The following CRACDL variants were observed in gnomAD, a reference collection of about 807,000 sequenced individuals.
The protein encoded by CRACDL is CRACD-like protein.
A neutral mutation model predicts 70.6 loss-of-function variants in CRACDL; 26 were observed. The ratio of observed to expected loss-of-function variants is 0.37; its 90% CI spans 0.27 to 0.51. The LOEUF (loss-of-function observed/expected upper bound fraction) is 0.51, where lower values mean the gene tolerates loss of function less well. CRACDL is among the 20% of genes least tolerant of loss of function. The pLI, the probability that CRACDL is intolerant of heterozygous loss-of-function variation, is 0.94. For missense variants in CRACDL, 1,283 were observed against 1,376.9 expected (o/e 0.93, Z 1.08); for synonymous variants, 618 against 615.2 (o/e 1.00, Z -0.07).
chr2:98,798,525 C>CTTCCATAT (rs1235635915), intron 7 of CRACDL, among the ~76,000 whole-genome samples: 2 of 148,860 alleles, frequency 1.3e-5, no homozygotes, highest in African/African-American at 4.9e-5. Flanking sequence ...GTGGAATCTC[C>CTTCCATAT]TTCCATATTT....
intron 1 of CRACDL, among the ~76,000 whole-genome samples, chr2:98,900,351 G>C (rs569174001): frequency 1.5e-5 from 2 of 137,806 alleles, no homozygotes; most frequent in East Asian, 4.8e-4. Flanking sequence ...AGGGGAGGCA[G>C]AGGATGGAGG....
chr2:98,912,264 G>A (rs574341574), intron 1 of CRACDL, among the ~76,000 whole-genome samples: 3 of 152,370 alleles, frequency 2.0e-5, no homozygotes, highest in African/African-American at 7.2e-5. Flanking sequence ...CGCAAAGAGT[G>A]AAAGAACACC....
chr2:98,825,392 T>C (rs927429213), intron 6 of CRACDL, among the ~76,000 whole-genome samples: 1 of 152,212 alleles, frequency 6.6e-6, no homozygotes, highest in African/African-American at 2.4e-5. Context: ...CAAAGTGGGA[T>C]TCAAGAACTA....
chr2:98,838,957 C>G (rs1415670305), intron 2 of CRACDL, among the ~76,000 whole-genome samples: 1 of 152,156 alleles, frequency 6.6e-6, no homozygotes, highest in Non-Finnish European at 1.5e-5. Flanking sequence ...TCATTCTCTC[C>G]CATGAATTCT....
intron 7 of CRACDL, among the ~76,000 whole-genome samples, chr2:98,816,311 A>T (rs1017181594): frequency 2.0e-5 from 3 of 152,122 alleles, no homozygotes; most frequent in Non-Finnish European, 4.4e-5. Flanking sequence ...TGTTTATTCC[A>T]TCTTGGTCAG....
chr2:98,896,730 C>T (rs963307699), intron 1 of CRACDL, among the ~76,000 whole-genome samples: 1 of 152,186 alleles, frequency 6.6e-6, no homozygotes, highest in African/African-American at 2.4e-5. Context: ...GCTTGTCCAA[C>T]CTATCTTACT....
chr2:98,847,500 C>A (rs553618517), intron 1 of CRACDL, among the ~76,000 whole-genome samples: 3 of 152,266 alleles, frequency 2.0e-5, no homozygotes, highest in African/African-American at 7.2e-5. Flanking sequence ...CCCCACACCC[C>A]ATCCCACTCC....
chr2:98,868,992 TG>T, intron 1 of CRACDL: 3 of 764,476 alleles, frequency 3.9e-6, no homozygotes, highest in Non-Finnish European at 6.0e-6. Flanking sequence ...CAGGGGATGG[TG>T]GCCACCCACG....
chr2:98,799,104 G>C (rs770877725), intron 7 of CRACDL, among the ~76,000 whole-genome samples: 35 of 152,072 alleles, frequency 2.3e-4, no homozygotes, highest in Non-Finnish European at 4.9e-4. Context: ...CCAACCACCT[G>C]GCACCTCTCC....
At chr2:98,880,447 C>T (rs897336883) in intron 1 of CRACDL, among the ~76,000 whole-genome samples, 5 of 152,176 alleles carry the variant, frequency 3.3e-5, no homozygotes, top group African/African-American at 9.7e-5. Context: ...CCAGGCAACT[C>T]GGAGTTGTGA....
intron 1 of CRACDL, among the ~76,000 whole-genome samples, chr2:98,906,978 C>T (rs1489034429): frequency 6.6e-6 from 1 of 152,112 alleles, no homozygotes; most frequent in African/African-American, 2.4e-5. Flanking sequence ...AGTAAGGTCT[C>T]CTCACTCTAG....
chr2:98,799,493 C>T (rs1703983891), intron 7 of CRACDL, among the ~76,000 whole-genome samples: 1 of 152,168 alleles, frequency 6.6e-6, no homozygotes, highest in South Asian at 2.1e-4. Context: ...CTCCACCTGA[C>T]TGGCCCCCTG....
intron 1 of CRACDL, chr2:98,869,318 T>A (rs1380941901): frequency 6.7e-6 from 8 of 1,199,328 alleles, no homozygotes; most frequent in Non-Finnish European, 8.5e-6. Context: ...CCAGCCCTCC[T>A]GTGCCCCGTG....
Position 98,832,888 on chromosome 2 carries a change from C to T in CRACDL, c.349G>A (p.Val117Met), listed in dbSNP as rs753505052. 3 of 1,614,090 alleles carry T rather than the reference C, an allele frequency of 1.9e-6. No individual in the cohort carries two copies. Among genetic ancestry groups the T allele is most frequent in the Non-Finnish European group, 2.5e-6 (3 of 1,180,040 alleles). Residue 117 changes from valine (V) to methionine (M), a missense_variant, in exon 4 of 10, where the codon GTG becomes ATG. Val to Met is a conservative substitution (Grantham distance 21). This residue lies in a region of CRACDL where 362 missense variants were observed against 495.0 expected (regional missense o/e 0.73). Transcript: ENST00000397899. ...TGCAGAGCTTTAATCCGATCACACA[C>T]ATTTTCTTGGGAAAACACCCGCACA... ...RPVRVFSQENVCDRIKALQLK... is the reference protein window; with the variant it reads ...RPVRVFSQENMCDRIKALQLK...
At chr2:98,807,070 C>A (rs922448045) in intron 7 of CRACDL, among the ~76,000 whole-genome samples, 1 of 152,156 alleles carries the variant, frequency 6.6e-6, no homozygotes, top group African/African-American at 2.4e-5. Context: ...TTCATAATGA[C>A]CCTCACAGCC....
In CRACDL at chr2:98,832,969, C is replaced by T; in HGVS notation, c.268G>A (p.Ala90Thr). ...EESRGTLGSRALSHDSIFIPE... is the reference protein window; with the variant it reads ...EESRGTLGSRTLSHDSIFIPE... ...ATGAAAATACTGTCGTGAGAAAGGG[C>T]CCGGCTGCCCAGCGTGCCCCTCGAC... The change falls in exon 4 of 10, where the codon GCC (alanine) becomes ACC (threonine). Residue 90 changes from alanine to threonine, a missense_variant. Ala to Thr is a moderately conservative substitution (Grantham distance 58, BLOSUM62 0). This residue lies in a region of CRACDL where 362 missense variants were observed against 495.0 expected (regional missense o/e 0.73). Transcript: ENST00000397899. The T allele has an allele frequency of 6.2e-7, 1 of 1,613,852 alleles. No individual in the cohort carries two copies. Among genetic ancestry groups the T allele is most frequent in the Non-Finnish European group, 8.5e-7 (1 of 1,179,846 alleles).
chr2:98,901,401 G>T (rs1208447447), intron 1 of CRACDL, among the ~76,000 whole-genome samples: 1 of 152,128 alleles, frequency 6.6e-6, no homozygotes, highest in Admixed American at 6.5e-5. Flanking sequence ...CAGATCACAG[G>T]GCATGGCACA....
intron 1 of CRACDL, among the ~76,000 whole-genome samples, chr2:98,878,779 G>C (rs1259596232): frequency 6.6e-6 from 1 of 152,190 alleles, no homozygotes; most frequent in African/African-American, 2.4e-5. Context: ...ATGGCTGACT[G>C]AGAGGCGCCC....
chr2:98,923,788 T>C (rs1708855781), intron 1 of CRACDL, among the ~76,000 whole-genome samples: 1 of 152,246 alleles, frequency 6.6e-6, no homozygotes, highest in Non-Finnish European at 1.5e-5. Flanking sequence ...GTTACTGTCA[T>C]ATGAAAGGTT....
Sources: gnomAD v4.1 joint callset for allele counts (sites outside exome capture counted in the v4.1 genomes callset) on GRCh38, gnomAD v4.1.1 for gene constraint, gnomAD v4.1.1 regional missense constraint, MANE v1.5 for transcripts, NCBI Gene and HGNC (gene_info 2026-07-23, HGNC 2026-07-21) for gene names.